Variants in EYS observed in about 807,000 individuals in gnomAD.
EYS encodes the protein EGF-like photoreceptor maintenance factor.
In EYS, 250 loss-of-function variants were observed where a neutral mutation model predicts 282.1. That is an observed-to-expected ratio of 0.89 (90% CI 0.80 to 0.98). The LOEUF (loss-of-function observed/expected upper bound fraction) is 0.98. Among genes scored for constraint, EYS ranks in the 50% least tolerant of loss-of-function variants. The probability of loss-of-function intolerance (pLI) is 0.00; values close to 1 mark genes in which losing one functional copy is unlikely to be tolerated. For synonymous variants in EYS, 1,355 were observed against 1,282.9 expected, an observed-to-expected ratio of 1.06 and a Z score of -1.20; for missense variants, 4,016 against 3,709.0, an observed-to-expected ratio of 1.08 and a Z score of -2.15.
At chr6:65,593,764 G>A (rs915824906) in intron 2 of EYS, among the ~76,000 whole-genome samples, 2 of 151,502 alleles carry the variant, frequency 1.3e-5, no homozygotes, top group African/African-American at 4.8e-5. Context: ...ATTATATTTT[G>A]TCCTTCTCTT....
At chr6:64,645,972 A>C (rs979708855) in intron 22 of EYS, among the ~76,000 whole-genome samples, 1 of 152,220 alleles carries the variant, frequency 6.6e-6, no homozygotes, top group Non-Finnish European at 1.5e-5. Flanking sequence ...TTCTGCTAAA[A>C]TAGAAAATGT....
chr6:64,562,377 CA>C (rs1275695789), intron 26 of EYS, among the ~76,000 whole-genome samples: 4 of 151,752 alleles, frequency 2.6e-5, no homozygotes, highest in Admixed American at 2.6e-4. Flanking sequence ...GTGGAAAGTA[CA>C]TTTTTAAATA....
chr6:64,743,652 G>A, intron 22 of EYS, among the ~76,000 whole-genome samples: 1 of 152,062 alleles, frequency 6.6e-6, no homozygotes, highest in East Asian at 1.9e-4. Flanking sequence ...GGATATTTGT[G>A]AAAAGTAAGA....
intron 35 of EYS, among the ~76,000 whole-genome samples, chr6:63,950,641 C>A (rs1305418592): frequency 6.6e-6 from 1 of 152,106 alleles, no homozygotes; most frequent in Non-Finnish European, 1.5e-5. Context: ...GAGATCAATC[C>A]CCTGTCCTCC....
intron 12 of EYS, among the ~76,000 whole-genome samples, chr6:65,085,006 C>A (rs1774327129): frequency 6.6e-6 from 1 of 152,044 alleles, no homozygotes; most frequent in South Asian, 2.1e-4. Context: ...TGTTAGAATT[C>A]TGAGAATACT....
rs73765739 is a variant in EYS, at chr6:65,051,156, C to T, written c.2137+6458G>A. Reference sequence around the variant, plus strand: ...AATCAAGCAATAATTTATGACAAAGCCTTATCTTTTTTGCATTAGCTACTG... The same window carrying T: ...AATCAAGCAATAATTTATGACAAAGTCTTATCTTTTTTGCATTAGCTACTG... On this transcript the variant is annotated intron_variant, in intron 13 of 42. Coordinates refer to ENST00000503581, the MANE Select transcript of EYS (RefSeq NM_001142800.2). Among the ~76,000 whole-genome samples, 888 of 151,566 alleles carry T rather than the reference C, an allele frequency of 5.9e-3. 11 individuals are homozygous for T. The highest frequency in any genetic ancestry group is 0.021 in the African/African-American group (851 of 41,472).
chr6:64,357,170 T>A (rs1468084029), intron 29 of EYS, among the ~76,000 whole-genome samples: 7 of 151,636 alleles, frequency 4.6e-5, no homozygotes, highest in Non-Finnish European at 1.0e-4. Context: ...AAAAACTACA[T>A]CAAAAATGGA....
chr6:64,944,923 T>C (rs976987860), intron 15 of EYS, among the ~76,000 whole-genome samples: 1 of 152,166 alleles, frequency 6.6e-6, no homozygotes, highest in Admixed American at 6.5e-5. Context: ...TACCTTCCCT[T>C]GAACTTAATT....
At chr6:64,479,811 G>T (rs1208190554) in intron 26 of EYS, among the ~76,000 whole-genome samples, 2 of 151,848 alleles carry the variant, frequency 1.3e-5, no homozygotes, top group African/African-American at 4.8e-5. Flanking sequence ...ACCCAAATCT[G>T]CATGGCATAA....
At chr6:64,798,798 C>A (rs1774444786) in intron 22 of EYS, among the ~76,000 whole-genome samples, 1 of 151,600 alleles carries the variant, frequency 6.6e-6, no homozygotes, top group Admixed American at 6.6e-5. Flanking sequence ...GCATTTGAAC[C>A]CACATAATTA....
intron 29 of EYS, among the ~76,000 whole-genome samples, chr6:64,346,402 G>C (rs1389976785): frequency 6.6e-6 from 1 of 151,952 alleles, no homozygotes; most frequent in African/African-American, 2.4e-5. Context: ...GTCCTTTGTA[G>C]GGACATGGAT....
chr6:64,369,702 AG>A (rs1772293155), intron 29 of EYS, among the ~76,000 whole-genome samples: 1 of 152,048 alleles, frequency 6.6e-6, no homozygotes, highest in African/African-American at 2.4e-5. Flanking sequence ...TGCAGACAAT[AG>A]GATTCTATAC....
chr6:63,865,500 A>C (rs1239179196), intron 35 of EYS, among the ~76,000 whole-genome samples: 1 of 151,740 alleles, frequency 6.6e-6, no homozygotes, highest in East Asian at 1.9e-4. Flanking sequence ...TAGTTCATAC[A>C]CCTTGCCATA....
At chr6:64,832,935 G>A (rs1765269100) in intron 19 of EYS, among the ~76,000 whole-genome samples, 1 of 151,880 alleles carries the variant, frequency 6.6e-6, no homozygotes, top group Admixed American at 6.6e-5. Flanking sequence ...CTTTAGAAAT[G>A]ATTGCTCTAA....
At chr6:63,829,219 T>C (rs1377836391) in intron 36 of EYS, among the ~76,000 whole-genome samples, 10 of 152,132 alleles carry the variant, frequency 6.6e-5, no homozygotes, top group Admixed American at 6.6e-4. Flanking sequence ...TTCGTCTCAC[T>C]GGGGCTTGTC....
chr6:64,780,312 G>A (rs557239704), intron 22 of EYS, among the ~76,000 whole-genome samples: 7 of 152,292 alleles, frequency 4.6e-5, no homozygotes, highest in African/African-American at 1.7e-4. Context: ...TATAATGGTT[G>A]AAGAAAAGAA....
At chr6:63,914,998 T>A (rs372274387) in intron 35 of EYS, among the ~76,000 whole-genome samples, 1 of 152,202 alleles carries the variant, frequency 6.6e-6, no homozygotes, top group African/African-American at 2.4e-5. Context: ...AGCTACAGCA[T>A]GTTATTCAGA....
intron 36 of EYS, among the ~76,000 whole-genome samples, chr6:63,835,348 T>C (rs996685605): frequency 5.5e-4 from 82 of 150,346 alleles, no homozygotes; most frequent in East Asian, 1.4e-3. Flanking sequence ...TATATATATA[T>C]ACACACACAC....
At chr6:63,742,120 T>C (rs1348937850) in intron 41 of EYS, 3 of 594,688 alleles carry the variant, frequency 5.0e-6, no homozygotes, top group Non-Finnish European at 9.3e-6. Flanking sequence ...CTGCAGTTCT[T>C]GACAAGGCTG....
Sources: gnomAD v4.1 joint callset for allele counts (sites outside exome capture counted in the v4.1 genomes callset) on GRCh38, gnomAD v4.1.1 for gene constraint, MANE v1.5 for transcripts, NCBI Gene and HGNC (gene_info 2026-07-23, HGNC 2026-07-21) for gene names.